The following GABRA4 variants were observed in gnomAD, a reference collection of about 807,000 sequenced individuals.
GABRA4 encodes the protein gamma-aminobutyric acid type A receptor subunit alpha4, also known as gamma-aminobutyric acid receptor subunit alpha-4.
GABRA4 carries 12 observed loss-of-function variants against 49.7 expected under a neutral mutation model. That is an observed-to-expected ratio of 0.24 (90% CI 0.15 to 0.39). GABRA4 has a LOEUF of 0.39. Ranked by LOEUF, GABRA4 falls within the 10% of genes least tolerant of loss-of-function variation. GABRA4 has a pLI of 1.00. For missense variants in GABRA4, 506 were observed against 686.0 expected, an observed-to-expected ratio of 0.74 and a Z score of 2.93; for synonymous variants, 288 against 240.2, an observed-to-expected ratio of 1.20 and a Z score of -1.84.
chr4:46,943,350 CTCT>C (rs1230677695), intron 8 of GABRA4, among the ~76,000 whole-genome samples: 2 of 152,054 alleles, frequency 1.3e-5, no homozygotes, highest in Non-Finnish European at 2.9e-5. Flanking sequence ...TCTAATCTGT[CTCT>C]TCTTCTCCAC....
At chr4:46,984,844 T>C (rs911186126) in intron 2 of GABRA4, among the ~76,000 whole-genome samples, 1 of 152,060 alleles carries the variant, frequency 6.6e-6, no homozygotes, top group Non-Finnish European at 1.5e-5. Context: ...TAAATGGAAG[T>C]TGATTTTGTA....
chr4:46,951,595 A>G (rs1053225354), intron 8 of GABRA4, among the ~76,000 whole-genome samples: 1 of 151,906 alleles, frequency 6.6e-6, no homozygotes, highest in East Asian at 1.9e-4. Context: ...GGAGATGTCA[A>G]TCCCAATCTC....
intron 2 of GABRA4, 178 bp downstream of exon 2, chr4:46,992,650 A>C: frequency 1.7e-6 from 1 of 603,296 alleles, no homozygotes; most frequent in Non-Finnish European, 3.0e-6. Context: ...GGAGATGGGA[A>C]AGTACGGGTG....
chr4:46,979,184 G>A (rs1200532528), intron 2 of GABRA4, 86 bp from the exon 3 acceptor site: 38 of 772,274 alleles, frequency 4.9e-5, no homozygotes, highest in Non-Finnish European at 8.3e-5. Context: ...AGTAAATACA[G>A]ATATGATATA....
chr4:46,968,185 A>G (rs1722832517), intron 7 of GABRA4, among the ~76,000 whole-genome samples: 1 of 151,594 alleles, frequency 6.6e-6, no homozygotes, highest in African/African-American at 2.4e-5. Context: ...ATAGCTTGCT[A>G]ATTTCCTCCT....
At chr4:46,970,055 A>C (rs1421134062) in intron 7 of GABRA4, among the ~76,000 whole-genome samples, 1 of 151,298 alleles carries the variant, frequency 6.6e-6, no homozygotes, top group Non-Finnish European at 1.5e-5. Flanking sequence ...AGAGAAACCT[A>C]AGATTAAAGG....
intron 8 of GABRA4, among the ~76,000 whole-genome samples, chr4:46,933,079 CTT>C (rs1472155699): frequency 6.6e-5 from 10 of 152,018 alleles, no homozygotes; most frequent in Non-Finnish European, 1.3e-4. Context: ...AAGTAAGAGA[CTT>C]TTTGAGAGTG....
rs147558189 is a variant in GABRA4 at position 46,976,189 on chromosome 4, C to T, written c.577+872G>A. Among the ~76,000 whole-genome samples the T allele has an allele frequency of 6.1e-3, 930 of 151,638 alleles. 9 individuals are homozygous for T. Among genetic ancestry groups the T allele is most frequent in the African/African-American group, 0.021 (868 of 41,418 alleles). ...CATATTGTTTTCTATCCATTCATCT[C>T]ATCCTGTTGCCTTCATTTCTACAAA... On this transcript the variant is annotated intron_variant, in intron 5 of 8. Coordinates refer to ENST00000264318, the MANE Select transcript of GABRA4 (RefSeq NM_000809.4).
chr4:46,944,345 G>T (rs112190319), intron 8 of GABRA4, among the ~76,000 whole-genome samples: 41 of 152,232 alleles, frequency 2.7e-4, no homozygotes, highest in African/African-American at 9.4e-4. Context: ...CCAGGGGGCA[G>T]TTCTAAGGCT....
intron 8 of GABRA4, among the ~76,000 whole-genome samples, chr4:46,935,702 A>G (rs577497887): frequency 9.1e-4 from 138 of 152,256 alleles, no homozygotes; most frequent in Non-Finnish European, 1.1e-3. Flanking sequence ...TAGCATTGGG[A>G]GAAATGTCTA....
chr4:46,928,119 A>G lies in GABRA4; in HGVS notation c.*106T>C, dbSNP rs999217890. The G allele has an allele frequency of 3.1e-5, 31 of 990,806 alleles. No individual in the cohort carries two copies. The highest frequency in any genetic ancestry group is 3.5e-5 in the Non-Finnish European group (25 of 704,702). The allele number at this position is 990,806 out of a possible 1,614,324, so 61.4% of individuals were successfully genotyped here. ...GCTTATATCTTTAAATGGAAAAATTACACAGAGTTTTTATTTTAGTAAAGA... is the reference window on the plus strand; with the variant it reads ...GCTTATATCTTTAAATGGAAAAATTGCACAGAGTTTTTATTTTAGTAAAGA... On this transcript the variant is annotated 3_prime_UTR_variant, in exon 9 of 9. Coordinates refer to ENST00000264318, the MANE Select transcript of GABRA4 (RefSeq NM_000809.4).
intron 7 of GABRA4, among the ~76,000 whole-genome samples, chr4:46,966,613 A>G (rs1160426379): frequency 6.6e-6 from 1 of 151,702 alleles, no homozygotes; most frequent in Non-Finnish European, 1.5e-5. Flanking sequence ...ACATGGTGCT[A>G]GGCACAAGAT....
intron 8 of GABRA4, among the ~76,000 whole-genome samples, chr4:46,942,440 T>A (rs1015256158): frequency 6.6e-6 from 1 of 152,026 alleles, no homozygotes; most frequent in African/African-American, 2.4e-5. Flanking sequence ...GCCAACACAG[T>A]GAAACCCCAT....
intron 7 of GABRA4, among the ~76,000 whole-genome samples, chr4:46,969,612 A>C (rs896204029): frequency 6.6e-6 from 1 of 151,532 alleles, no homozygotes; most frequent in Non-Finnish European, 1.5e-5. Context: ...AGATAAGAGA[A>C]GTATTGGAGA....
rs1388896911 is a variant in GABRA4 at position 46,928,641 on chromosome 4, C to A, written c.1249G>T (p.Val417Phe). ...GGTGTGCCTTTAGAAGATTCTTGAA[C>A]AACTGTGGAAGATTTGCTTGAATGG... ...GNHSSKSSTV[V>F]QESSKGTPRS... Residue 417 changes from valine to phenylalanine, a missense_variant, in exon 9 of 9, where the codon GTT (valine) becomes TTT (phenylalanine). Transcript: ENST00000264318. 3.1e-6 allele frequency: 5 copies of A among 1,613,694 alleles called. No homozygotes were observed. The highest frequency in any genetic ancestry group is 1.1e-5 in the South Asian group (1 of 91,068).
intron 8 of GABRA4, among the ~76,000 whole-genome samples, chr4:46,952,781 TTTCCA>T (rs1577763484): frequency 6.6e-6 from 1 of 152,098 alleles, no homozygotes; most frequent in African/African-American, 2.4e-5. Context: ...AAGCTGATTT[TTTCCA>T]TTCTAAAAAG....
At chr4:46,941,476 A>G (rs746317735) in intron 8 of GABRA4, among the ~76,000 whole-genome samples, 1 of 152,120 alleles carries the variant, frequency 6.6e-6, no homozygotes, top group African/African-American at 2.4e-5. Context: ...TGCTTAACAC[A>G]TTGCTCTAGC....
chr4:46,947,406 G>A (rs139451404), intron 8 of GABRA4, among the ~76,000 whole-genome samples: 216 of 151,978 alleles, frequency 1.4e-3, no homozygotes, highest in African/African-American at 4.1e-3. Context: ...GTCTGCCTGC[G>A]TTCTAAGTAA....
At chr4:46,988,910 A>G (rs1392697232) in intron 2 of GABRA4, among the ~76,000 whole-genome samples, 1 of 152,228 alleles carries the variant, frequency 6.6e-6, no homozygotes. Flanking sequence ...TGGTCAATTC[A>G]TTGGAAATTT....
Sources: gnomAD v4.1 joint callset for allele counts (sites outside exome capture counted in the v4.1 genomes callset) on GRCh38, gnomAD v4.1.1 for gene constraint, MANE v1.5 for transcripts, NCBI Gene and HGNC (gene_info 2026-07-23, HGNC 2026-07-21) for gene names.